Variants in TTBK2 observed in about 807,000 individuals in gnomAD.
The protein encoded by TTBK2 is tau-tubulin kinase 2.
TTBK2 carries 28 observed loss-of-function variants against 110.8 expected under a neutral mutation model. The ratio of observed to expected loss-of-function variants is 0.25; its 90% CI spans 0.19 to 0.35. The LOEUF is 0.35. TTBK2 is among the 10% of genes least tolerant of loss of function. The probability of loss-of-function intolerance (pLI) is 1.00; values close to 1 mark genes in which losing one functional copy is unlikely to be tolerated. For synonymous variants in TTBK2, 532 were observed against 527.3 expected (o/e 1.01, Z -0.12); for missense variants, 1,369 against 1,500.3 (o/e 0.91, Z 1.45).
At chr15:42,782,219 C>A (rs769172783) in intron 11 of TTBK2, among the ~76,000 whole-genome samples, 1 of 152,076 alleles carries the variant, frequency 6.6e-6, no homozygotes, top group Non-Finnish European at 1.5e-5. Flanking sequence ...TTACAGGCAC[C>A]CACCACCAAA....
chr15:42,769,739 C>T (rs1225470277), intron 13 of TTBK2, among the ~76,000 whole-genome samples: 2 of 152,100 alleles, frequency 1.3e-5, no homozygotes, highest in Non-Finnish European at 2.9e-5. Context: ...TACCATTTGA[C>T]CCAGCAATGC....
chr15:42,854,293 T>C (rs887470132), intron 3 of TTBK2, among the ~76,000 whole-genome samples: 1 of 152,202 alleles, frequency 6.6e-6, no homozygotes, highest in Non-Finnish European at 1.5e-5. Context: ...AATATTTATA[T>C]ACCAATTAGA....
intron 6 of TTBK2, among the ~76,000 whole-genome samples, chr15:42,817,402 C>G (rs1290780581): frequency 6.6e-6 from 1 of 152,072 alleles, no homozygotes; most frequent in African/African-American, 2.4e-5. Context: ...TAAATGCTTT[C>G]ATATACCCAT....
intron 10 of TTBK2, among the ~76,000 whole-genome samples, chr15:42,785,444 C>T (rs896457024): frequency 6.6e-6 from 1 of 152,014 alleles, no homozygotes; most frequent in African/African-American, 2.4e-5. Flanking sequence ...TTACTAAGCA[C>T]CTACTACATG....
intron 14 of TTBK2, among the ~76,000 whole-genome samples, chr15:42,748,084 C>T (rs115850701): frequency 1.3e-5 from 2 of 152,106 alleles, no homozygotes; most frequent in Non-Finnish European, 2.9e-5. Flanking sequence ...TTCTATCAAA[C>T]CAAAGGCACT....
rs1027660580 is a variant in TTBK2 at position 42,784,829 on chromosome 15, T to C, written c.981-1194A>G. Among the ~76,000 whole-genome samples the C allele has an allele frequency of 2.6e-5, 4 of 152,138 alleles. No individual in the cohort carries two copies. In the East Asian group the frequency reaches 7.7e-4, roughly 29 times the overall value. On this transcript the variant is annotated intron_variant, in intron 10 of 14. Transcript: ENST00000267890. ...TGGCATCAGAGAAGCTTTTGGGAGC[T>C]GGCAGGCTCTGACTGGTGAGTGACA...
At chr15:42,795,063 G>C (rs1367192337) in intron 9 of TTBK2, among the ~76,000 whole-genome samples, 1 of 152,128 alleles carries the variant, frequency 6.6e-6, no homozygotes, top group Non-Finnish European at 1.5e-5. Context: ...ACTCTCAGAT[G>C]GTTGGCTAAA....
intron 1 of TTBK2, chr15:42,908,265 C>T (rs1206240950): frequency 6.6e-6 from 1 of 152,108 alleles, no homozygotes; most frequent in Non-Finnish European, 1.5e-5. Flanking sequence ...TGCCTGAGGC[C>T]AGGAGTTCAA....
chr15:42,849,361 A>G (rs1893602406), intron 3 of TTBK2, among the ~76,000 whole-genome samples: 2 of 152,154 alleles, frequency 1.3e-5, no homozygotes, highest in African/African-American at 4.8e-5. Context: ...AAGATTGTCT[A>G]TCTTCCTGCT....
chr15:42,840,370 A>G lies in TTBK2; in HGVS notation c.281T>C (p.Met94Thr), dbSNP rs1893168006. 6.2e-7 allele frequency: 1 copy of G among 1,614,008 alleles called. No individual in the cohort carries two copies. The highest frequency in any genetic ancestry group is 8.5e-7 in the Non-Finnish European group (1 of 1,179,896). ...GRNDRFNYVV[M>T]QLQGRNLADL... ...TTCAAGGTAACCTACCTGCAACTGC[A>G]TGACCACATAGTTGAATCGATCATT... The change falls in exon 4 of 15, where the codon ATG becomes ACG. Residue 94 changes from methionine (M) to threonine (T), a missense_variant. By Grantham distance (81) the Met-to-Thr change is moderately conservative. Transcript: ENST00000267890.
At chr15:42,816,588 A>T (rs1355401932) in intron 7 of TTBK2, among the ~76,000 whole-genome samples, 1 of 152,148 alleles carries the variant, frequency 6.6e-6, no homozygotes, top group Non-Finnish European at 1.5e-5. Context: ...TAGGACGAAC[A>T]TTCCAAGCAA....
At chr15:42,783,204 G>C (rs773859183) in intron 11 of TTBK2, among the ~76,000 whole-genome samples, 1 of 152,070 alleles carries the variant, frequency 6.6e-6, no homozygotes, top group Non-Finnish European at 1.5e-5. Flanking sequence ...GAGGTAATTA[G>C]GTCAAGAAGG....
At chr15:42,908,042 T>C (rs2030517655) in intron 1 of TTBK2, among the ~76,000 whole-genome samples, 1 of 152,136 alleles carries the variant, frequency 6.6e-6, no homozygotes, top group Non-Finnish European at 1.5e-5. Flanking sequence ...GCCAAAATCA[T>C]GCCACTGCAC....
intron 6 of TTBK2, among the ~76,000 whole-genome samples, chr15:42,819,150 T>C (rs1176107080): frequency 2.0e-5 from 3 of 151,564 alleles, no homozygotes; most frequent in Admixed American, 6.6e-5. Flanking sequence ...ATTACTTTTG[T>C]AGTCAGAAAA....
At chr15:42,887,672 C>T (rs925110123) in intron 1 of TTBK2, among the ~76,000 whole-genome samples, 12 of 152,206 alleles carry the variant, frequency 7.9e-5, no homozygotes, top group African/African-American at 2.7e-4. Flanking sequence ...CCCATACACT[C>T]TCCTATCCTA....
At chr15:42,861,726 A>G (rs963763410) in intron 3 of TTBK2, among the ~76,000 whole-genome samples, 1 of 152,164 alleles carries the variant, frequency 6.6e-6, no homozygotes, top group Admixed American at 6.5e-5. Flanking sequence ...AGCAAAAGAA[A>G]ATAAATAAAT....
chr15:42,769,896 A>T (rs1567012973), intron 13 of TTBK2, among the ~76,000 whole-genome samples: 1 of 152,220 alleles, frequency 6.6e-6, no homozygotes, highest in Non-Finnish European at 1.5e-5. Context: ...AATGTGGCAC[A>T]TATACACCAC....
chr15:42,779,582 T>C (rs1334727921), intron 11 of TTBK2, among the ~76,000 whole-genome samples: 1 of 152,178 alleles, frequency 6.6e-6, no homozygotes, highest in Non-Finnish European at 1.5e-5. Context: ...GAAGGAAATA[T>C]TTCCGGAAGA....
intron 13 of TTBK2, among the ~76,000 whole-genome samples, chr15:42,766,445 G>GAAAAAAA (rs1424460257): frequency 1.3e-4 from 2 of 15,150 alleles, no homozygotes; most frequent in African/African-American, 3.2e-3. Context: ...CGAATGGAAA[G>GAAAAAAA]CAAAAAAAAA....
Sources: allele counts gnomAD v4.1 joint callset (sites outside exome capture counted in the v4.1 genomes callset), GRCh38; gene constraint gnomAD v4.1.1; transcripts MANE v1.5; gene names NCBI Gene and HGNC (gene_info 2026-07-23, HGNC 2026-07-21).